The following DNMT1 variants were observed in gnomAD, a reference collection of about 807,000 sequenced individuals.
DNMT1 encodes DNA methyltransferase 1, also known as DNA (cytosine-5)-methyltransferase 1.
DNMT1 carries 24 observed loss-of-function variants against 205.3 expected under a neutral mutation model. That is an observed-to-expected ratio of 0.12 (90% CI 0.08 to 0.16). DNMT1 has a LOEUF of 0.16. DNMT1 is among the 10% of genes least tolerant of loss of function. DNMT1 has a pLI of 1.00. For synonymous variants in DNMT1, 817 were observed against 839.8 expected (o/e 0.97, Z 0.47); for missense variants, 1,293 against 2,177.7 (o/e 0.59, Z 8.09).
intron 39 of DNMT1, among the ~76,000 whole-genome samples, chr19:10,134,555 G>C (rs2089438495): frequency 6.6e-6 from 1 of 152,234 alleles, no homozygotes. Flanking sequence ...AGAAAGACTT[G>C]AGACAAAGAC....
At position 10,160,426 on chromosome 19, in the gene DNMT1, G is replaced by T; in HGVS notation, c.1009-8C>A. ...TTTGCGTCTCTTCTCCTCCTACACAGGGAAAACAAAAGAGGATTAAAGGCT... is the reference window on the plus strand; with the variant it reads ...TTTGCGTCTCTTCTCCTCCTACACATGGAAAACAAAAGAGGATTAAAGGCT... On this transcript the variant is annotated splice_polypyrimidine_tract_variant and splice_region_variant and intron_variant, in intron 13 of 40. Transcript: ENST00000359526. The T allele has an allele frequency of 1.2e-6, 2 of 1,613,854 alleles. No homozygotes were observed. Among genetic ancestry groups the T allele is most frequent in the Non-Finnish European group, 1.7e-6 (2 of 1,179,880 alleles).
chr19:10,183,650 G>A (rs1599402741), intron 1 of DNMT1, among the ~76,000 whole-genome samples: 1 of 152,086 alleles, frequency 6.6e-6, no homozygotes, highest in Non-Finnish European at 1.5e-5. Flanking sequence ...GCCAAGGTGG[G>A]TGGATTACCT....
chr19:10,149,797 T>C, intron 25 of DNMT1, 56 bp downstream of exon 25: 1 of 1,608,078 alleles, frequency 6.2e-7, no homozygotes, highest in Non-Finnish European at 8.5e-7. Context: ...AAAACAGGCA[T>C]CTCCTACTTG....
chr19:10,192,025 C>T (rs1351492582), intron 1 of DNMT1, among the ~76,000 whole-genome samples: 1 of 151,720 alleles, frequency 6.6e-6, no homozygotes, highest in Non-Finnish European at 1.5e-5. Flanking sequence ...GGTTTCGCCA[C>T]GTTGGCCAGG....
intron 37 of DNMT1, 90 bp from the exon 38 acceptor site, chr19:10,136,377 G>C (rs950948655): frequency 4.5e-6 from 7 of 1,556,568 alleles, no homozygotes; most frequent in Non-Finnish European, 6.1e-6. Context: ...GGCAGAGATG[G>C]CACCTCCTGT....
Position 10,137,799 on chromosome 19 carries a change from CGAG to C in DNMT1, c.4293+30_4293+32del, listed in dbSNP as rs767263593. On this transcript the variant is annotated intron_variant, in intron 36 of 40. Transcript: ENST00000359526. The surrounding 1 kb of genome is among the most constrained non-coding windows in gnomAD (Gnocchi z 6.4). ...CCCACGAGGCTGCTGGGCTGGGCCT[CGAG>C]GAGGAGCCGCTCTGTCAGGGTGCCA... The C allele has an allele frequency of 1.1e-5, 17 of 1,604,412 alleles. No individual in the cohort carries two copies. The African/African-American group carries it at 2.3e-4, about 21-fold the overall frequency.
At chr19:10,176,184 C>G (rs1875405369) in intron 6 of DNMT1, among the ~76,000 whole-genome samples, 1 of 149,052 alleles carries the variant, frequency 6.7e-6, no homozygotes, top group African/African-American at 2.5e-5. Flanking sequence ...AAAAAAAAGT[C>G]AGTCTCAAAA....
chr19:10,175,461 G>C, intron 7 of DNMT1, 79 bp downstream of exon 7: 1 of 1,553,956 alleles, frequency 6.4e-7, no homozygotes. Flanking sequence ...TTATTTACTT[G>C]GACAGAACAC....
rs1260397046 is a variant in DNMT1, at chr19:10,180,895, G to A, written c.118-10C>T. The A allele has an allele frequency of 6.2e-7, 1 of 1,611,960 alleles. No individual in the cohort carries two copies. Reference sequence around the variant, plus strand: ...TCTCCTTCACACATTCCTAAGGGAAGGATATAGGTTTAGCAGTACCCACAT... The same window carrying A: ...TCTCCTTCACACATTCCTAAGGGAAAGATATAGGTTTAGCAGTACCCACAT... On this transcript the variant is annotated splice_polypyrimidine_tract_variant and intron_variant, in intron 2 of 40. Coordinates refer to ENST00000359526, the MANE Select transcript of DNMT1 (RefSeq NM_001130823.3).
chr19:10,137,712 C>T lies in DNMT1; in HGVS notation c.4293+120G>A, dbSNP rs944253701. The T allele has an allele frequency of 2.2e-5, 30 of 1,371,492 alleles. No homozygotes were observed. Among genetic ancestry groups the T allele is most frequent in the South Asian group, 2.1e-4 (17 of 80,046 alleles). 85.0% of individuals were successfully genotyped at this position (1,371,492 alleles called of 1,614,324 possible). A position where few individuals can be genotyped will look rare whatever the true frequency, so the allele number is the denominator to read the frequency against. On this transcript the variant is annotated intron_variant, in intron 36 of 40. Coordinates refer to ENST00000359526, the MANE Select transcript of DNMT1 (RefSeq NM_001130823.3). The surrounding 1 kb of genome is among the most constrained non-coding windows in gnomAD (Gnocchi z 6.4). ...AGGGGTCACACAAAGGCTGAGGACT[C>T]GGGAGGAGGAGCCTGGGATCAGATT...
At chr19:10,143,488 G>C (rs1673028769) in intron 29 of DNMT1, among the ~76,000 whole-genome samples, 1 of 149,524 alleles carries the variant, frequency 6.7e-6, no homozygotes. Context: ...GCCTCCCAAA[G>C]TGCTAGGATT....
At chr19:10,177,158 T>C (rs1372386451) in intron 6 of DNMT1, 134 bp downstream of exon 6, 1 of 780,618 alleles carries the variant, frequency 1.3e-6, no homozygotes, top group Non-Finnish European at 2.1e-6. Context: ...TATTCATAAA[T>C]GTCTAGAGAA....
At chr19:10,161,555 G>A (rs1201651219) in intron 13 of DNMT1, among the ~76,000 whole-genome samples, 1 of 152,144 alleles carries the variant, frequency 6.6e-6, no homozygotes, top group Non-Finnish European at 1.5e-5. Flanking sequence ...GCCCAGGTGG[G>A]AGGATTGCTT....
At chr19:10,177,402 A>G (rs191546101) in intron 5 of DNMT1, 35 bp from the exon 6 acceptor site, 2 of 1,597,330 alleles carry the variant, frequency 1.3e-6, no homozygotes, top group Non-Finnish European at 1.7e-6. Context: ...AAAAGAAAAA[A>G]AAAAGCCACT....
intron 22 of DNMT1, among the ~76,000 whole-genome samples, chr19:10,152,548 T>A (rs2038369592): frequency 6.6e-6 from 1 of 151,620 alleles, no homozygotes. Flanking sequence ...CTGCTTGAGT[T>A]CAGGCATTCA....
At position 10,187,189 on chromosome 19, in the gene DNMT1, A is replaced by C. The variant is rs538337284; in HGVS notation, c.81-5112T>G. Among the ~76,000 whole-genome samples, 19 of 151,976 alleles carry C rather than the reference A, an allele frequency of 1.3e-4. 1 individual carries two copies. The South Asian group carries it at 3.9e-3, about 32-fold the overall frequency. ...CAGTCAAGGGGAAGTAGAACCAATG[A>C]CATCAGAGCCGTGTTAAGAAAACTA... On this transcript the variant is annotated intron_variant, in intron 1 of 40. Coordinates refer to ENST00000359526, the MANE Select transcript of DNMT1 (RefSeq NM_001130823.3).
At chr19:10,160,294 G>T in intron 14 of DNMT1, 90 bp downstream of exon 14, 1 of 1,588,034 alleles carries the variant, frequency 6.3e-7, no homozygotes, top group Non-Finnish European at 8.6e-7. Context: ...AGGTTGCTCT[G>T]GCAATTACTG....
At chr19:10,162,112 A>G (rs956574925) in intron 13 of DNMT1, among the ~76,000 whole-genome samples, 6 of 150,880 alleles carry the variant, frequency 4.0e-5, no homozygotes, top group Non-Finnish European at 5.9e-5. Context: ...AAAGTGCTGA[A>G]AAGACAGGCG....
chr19:10,139,496 G>T (rs558564047), intron 34 of DNMT1, among the ~76,000 whole-genome samples, 180 bp downstream of exon 34: 1 of 152,226 alleles, frequency 6.6e-6, no homozygotes, highest in Non-Finnish European at 1.5e-5. Context: ...GGACTTGCTG[G>T]GGGCCGGCTG....
Sources: allele counts gnomAD v4.1 joint callset (sites outside exome capture counted in the v4.1 genomes callset), GRCh38; gene constraint gnomAD v4.1.1; non-coding constraint Gnocchi (gnomAD v3.1); transcripts MANE v1.5; gene names NCBI Gene and HGNC (gene_info 2026-07-23, HGNC 2026-07-21).